The following CERT1 variants were observed in gnomAD, a reference collection of about 807,000 sequenced individuals.
CERT1 encodes the protein ceramide transporter 1, also known as ceramide transfer protein.
Under a neutral mutation model 87.9 loss-of-function variants are expected in CERT1, and 31 were observed. That is an observed-to-expected ratio of 0.35 (90% CI 0.27 to 0.48). The LOEUF is 0.48. CERT1 is among the 20% of genes least tolerant of loss of function. The pLI, the probability that CERT1 is intolerant of heterozygous loss-of-function variation, is 0.99. For missense variants in CERT1, 487 were observed against 758.0 expected (o/e 0.64, Z 4.20); for synonymous variants, 289 against 250.9 (o/e 1.15, Z -1.44).
intron 3 of CERT1, among the ~76,000 whole-genome samples, chr5:75,442,757 A>G (rs1327742397): frequency 2.0e-5 from 3 of 152,034 alleles, no homozygotes; most frequent in Non-Finnish European, 4.4e-5. Flanking sequence ...TTGAAAGGAG[A>G]GAGGGAGGGG....
chr5:75,420,267 C>G (rs192474514), intron 5 of CERT1, among the ~76,000 whole-genome samples: 30 of 152,090 alleles, frequency 2.0e-4, no homozygotes, highest in Non-Finnish European at 3.4e-4. Flanking sequence ...TGTGAGTGAC[C>G]ACACCCAGGC....
At chr5:75,449,565 A>G (rs906637183) in intron 3 of CERT1, among the ~76,000 whole-genome samples, 1 of 152,232 alleles carries the variant, frequency 6.6e-6, no homozygotes, top group African/African-American at 2.4e-5. Flanking sequence ...TTCAATATGC[A>G]TCTGAGCAGA....
In CERT1 at chr5:75,383,425, GATA is replaced by G. The variant is rs1386426395; in HGVS notation, c.1488+1214_1488+1216del. 2.0e-5 allele frequency among the ~76,000 whole-genome samples: 3 copies of G among 152,046 alleles called. No individual in the cohort carries two copies. In the East Asian group the frequency reaches 5.8e-4, roughly 29 times the overall value. On this transcript the variant is annotated intron_variant, in intron 14 of 16. Transcript: ENST00000643780. Reference sequence around the variant, plus strand: ...TGTTTTCCATGATGGATTATTTTCAGATAATAAGGTTCTTTTGGTTCTAAATTA... The same window carrying G: ...TGTTTTCCATGATGGATTATTTTCAGATAAGGTTCTTTTGGTTCTAAATTA...
intron 8 of CERT1, among the ~76,000 whole-genome samples, chr5:75,410,499 A>C (rs1762889679): frequency 2.0e-5 from 3 of 151,904 alleles, no homozygotes; most frequent in Non-Finnish European, 4.4e-5. Context: ...AGTCCCAGCT[A>C]CTAGGGCAGC....
intron 8 of CERT1, among the ~76,000 whole-genome samples, chr5:75,409,432 T>C (rs922382891): frequency 6.6e-6 from 1 of 152,242 alleles, no homozygotes; most frequent in Non-Finnish European, 1.5e-5. Flanking sequence ...AAAATTCTTC[T>C]GTTTTCATAA....
At chr5:75,459,042 C>G (rs1244058604) in intron 3 of CERT1, 23 bp downstream of exon 3, 1 of 1,342,430 alleles carries the variant, frequency 7.4e-7, no homozygotes, top group Non-Finnish European at 1.1e-6. Context: ...CCTCCATGGA[C>G]AGGTAAACAT....
At chr5:75,477,667 A>AC (rs1338702882) in intron 2 of CERT1, among the ~76,000 whole-genome samples, 2 of 150,244 alleles carry the variant, frequency 1.3e-5, no homozygotes, top group Admixed American at 6.6e-5. Flanking sequence ...AAAAAAAAAA[A>AC]AACAACCAAA....
At chr5:75,485,336 A>AAAAAAAAAAG (rs1766471814) in intron 2 of CERT1, among the ~76,000 whole-genome samples, 1 of 149,102 alleles carries the variant, frequency 6.7e-6, no homozygotes, top group Non-Finnish European at 1.5e-5. Flanking sequence ...AAAAAAAAAA[A>AAAAAAAAAAG]AGAACAAAAA....
At chr5:75,455,177 CTT>C (rs1764929238) in intron 3 of CERT1, among the ~76,000 whole-genome samples, 1 of 152,226 alleles carries the variant, frequency 6.6e-6, no homozygotes, top group Admixed American at 6.5e-5. Flanking sequence ...TTCACAATGT[CTT>C]GACTGCACAT....
At chr5:75,437,535 G>A (rs914567496) in intron 3 of CERT1, among the ~76,000 whole-genome samples, 4 of 152,112 alleles carry the variant, frequency 2.6e-5, no homozygotes, top group Admixed American at 1.3e-4. Context: ...GGAGGCCAAG[G>A]CAGGTGGATT....
At chr5:75,485,346 AGAAAG>A (rs1766473595) in intron 2 of CERT1, among the ~76,000 whole-genome samples, 1 of 150,296 alleles carries the variant, frequency 6.7e-6, no homozygotes, top group Non-Finnish European at 1.5e-5. Flanking sequence ...AAGAACAAAA[AGAAAG>A]GAAAGAGAGC....
chr5:75,397,413 T>C (rs999476211), intron 11 of CERT1, among the ~76,000 whole-genome samples: 6 of 152,174 alleles, frequency 3.9e-5, no homozygotes, highest in African/African-American at 1.4e-4. Flanking sequence ...CAAAATTTTG[T>C]AAAAATATAG....
chr5:75,474,341 C>G (rs1765858371), intron 2 of CERT1, among the ~76,000 whole-genome samples: 2 of 152,132 alleles, frequency 1.3e-5, no homozygotes. Context: ...ATGCTCCCAG[C>G]TGAATAAAGC....
chr5:75,473,654 T>G (rs1765815791), intron 2 of CERT1, among the ~76,000 whole-genome samples: 2 of 152,156 alleles, frequency 1.3e-5, no homozygotes, highest in Admixed American at 1.3e-4. Context: ...GTTTAAGAGA[T>G]AAATTGTACA....
At chr5:75,410,005 A>G (rs1309866345) in intron 8 of CERT1, among the ~76,000 whole-genome samples, 1 of 152,000 alleles carries the variant, frequency 6.6e-6, no homozygotes, top group African/African-American at 2.4e-5. Context: ...AAGTCTTGCT[A>G]TGCTGTCCAG....
chr5:75,409,989 G>C (rs1762863794), intron 8 of CERT1, among the ~76,000 whole-genome samples: 1 of 151,998 alleles, frequency 6.6e-6, no homozygotes, highest in African/African-American at 2.4e-5. Context: ...TTATTTTATA[G>C]AGATGAAGTC....
intron 3 of CERT1, among the ~76,000 whole-genome samples, chr5:75,443,778 A>G (rs1045435688): frequency 1.3e-5 from 2 of 151,944 alleles, no homozygotes; most frequent in African/African-American, 4.8e-5. Flanking sequence ...AGAACTGTCT[A>G]TTTCTCCTTT....
At chr5:75,418,773 T>C (rs1763248177) in intron 6 of CERT1, among the ~76,000 whole-genome samples, 1 of 152,128 alleles carries the variant, frequency 6.6e-6, no homozygotes, top group African/African-American at 2.4e-5. Flanking sequence ...TTATAGAAAA[T>C]GCAAACTAAT....
At chr5:75,510,241 G>A (rs1029686502) in intron 1 of CERT1, among the ~76,000 whole-genome samples, 2 of 151,948 alleles carry the variant, frequency 1.3e-5, no homozygotes, top group African/African-American at 2.4e-5. Context: ...TTAACAGGAA[G>A]GGAGAGAGAA....
Sources: allele counts gnomAD v4.1 joint callset (sites outside exome capture counted in the v4.1 genomes callset), GRCh38; gene constraint gnomAD v4.1.1; transcripts MANE v1.5; gene names NCBI Gene and HGNC (gene_info 2026-07-23, HGNC 2026-07-21).